Variants in DNM3 observed in about 807,000 individuals in gnomAD.
DNM3 encodes dynamin-3.
A neutral mutation model predicts 101.6 loss-of-function variants in DNM3; 47 were observed. That is an observed-to-expected ratio of 0.46 (90% CI 0.37 to 0.59). The LOEUF is 0.59. DNM3 is among the 20% of genes least tolerant of loss of function. The pLI is 0.00. For synonymous variants in DNM3, 385 were observed against 387.9 expected (o/e 0.99, Z 0.09); for missense variants, 849 against 1,085.7 (o/e 0.78, Z 3.06).
intron 14 of DNM3, among the ~76,000 whole-genome samples, chr1:172,145,075 A>G (rs1403228281): frequency 1.3e-5 from 2 of 151,878 alleles, no homozygotes; most frequent in African/African-American, 2.4e-5. Context: ...AAAAAAAAAG[A>G]GTCAAGATGT....
At chr1:172,044,568 G>A (rs2049628147) in intron 9 of DNM3, 116 bp downstream of exon 9, 1 of 805,976 alleles carries the variant, frequency 1.2e-6, no homozygotes, top group Non-Finnish European at 1.9e-6. Context: ...TACAGAGGTG[G>A]GAGTAAGAAA....
chr1:172,167,948 A>G (rs2058810816), intron 14 of DNM3, among the ~76,000 whole-genome samples: 1 of 151,982 alleles, frequency 6.6e-6, no homozygotes, highest in Non-Finnish European at 1.5e-5. Context: ...AATTTCCTGC[A>G]AAGTGGAGAT....
chr1:171,947,091 C>T (rs563986061), intron 2 of DNM3, among the ~76,000 whole-genome samples: 44 of 152,290 alleles, frequency 2.9e-4, no homozygotes, highest in African/African-American at 9.6e-4. Flanking sequence ...GTGAACTGTC[C>T]GTTACATATT....
intron 13 of DNM3, among the ~76,000 whole-genome samples, chr1:172,116,554 T>C (rs1461959705): frequency 6.6e-6 from 1 of 152,164 alleles, no homozygotes; most frequent in Non-Finnish European, 1.5e-5. Context: ...AAAGCTCCAA[T>C]GGAGATTCCC....
Position 172,387,224 on chromosome 1 carries a change from A to G in DNM3, c.2150A>G (p.Gln717Arg). Residue 717 changes from glutamine to arginine, a missense_variant, in exon 19 of 21, where the codon CAG becomes CGG. Gln to Arg is a conservative substitution (Grantham distance 43). This residue lies in a region of DNM3 where 256 missense variants were observed against 311.7 expected (regional missense o/e 0.82). Transcript: ENST00000627582. ...ATGGAGGAATCTGCTGAGCAGGCTC[A>G]GCGCCGGGATGAGATGCTTCGAATG... ...TLMEESAEQA[Q>R]RRDEMLRMYQ... 1 of 1,614,052 alleles carries G rather than the reference A, an allele frequency of 6.2e-7. No homozygotes were observed. Among genetic ancestry groups the G allele is most frequent in the Non-Finnish European group, 8.5e-7 (1 of 1,179,888 alleles).
chr1:172,349,939 A>T (rs1443896509), intron 17 of DNM3, among the ~76,000 whole-genome samples: 1 of 152,198 alleles, frequency 6.6e-6, no homozygotes, highest in Non-Finnish European at 1.5e-5. Context: ...CCTCATGTAT[A>T]TAGAAAACTC....
intron 2 of DNM3, among the ~76,000 whole-genome samples, chr1:171,941,556 C>T (rs1037208186): frequency 2.6e-5 from 4 of 152,150 alleles, no homozygotes; most frequent in South Asian, 2.1e-4. Context: ...CTCTTTGTGC[C>T]GCCCCACTTC....
intron 15 of DNM3, among the ~76,000 whole-genome samples, chr1:172,303,153 A>T (rs567319332): frequency 6.6e-6 from 1 of 152,286 alleles, no homozygotes; most frequent in Admixed American, 6.5e-5. Flanking sequence ...AGACAAATGG[A>T]TAACTAGAAT....
At chr1:171,954,240 T>G (rs2125467453) in intron 2 of DNM3, among the ~76,000 whole-genome samples, 1 of 152,338 alleles carries the variant, frequency 6.6e-6, no homozygotes, top group Non-Finnish European at 1.5e-5. Context: ...TTGCATGTAT[T>G]ATCATAGTAA....
rs980016092 is a variant in DNM3, at chr1:172,279,725, G to A, written c.1769+26043G>A. 3.9e-5 allele frequency among the ~76,000 whole-genome samples: 6 copies of A among 152,070 alleles called. No homozygotes were observed. In the East Asian group the frequency reaches 7.7e-4, roughly 19 times the overall value. On this transcript the variant is annotated intron_variant, in intron 15 of 20. Transcript: ENST00000627582. The stretch of plus-strand genomic sequence containing the variant: ...TTCACTTTCCGCACCCAGTTTCTCA[G>A]AAACATATGATGGCTCTGCCTTGGA...
intron 14 of DNM3, among the ~76,000 whole-genome samples, chr1:172,189,371 TTTG>T (rs1328649150): frequency 6.6e-6 from 1 of 152,044 alleles, no homozygotes; most frequent in Non-Finnish European, 1.5e-5. Flanking sequence ...TTACAAGCAG[TTTG>T]TTAATATCTA....
chr1:171,967,232 A>G (rs2043652030), intron 2 of DNM3, among the ~76,000 whole-genome samples: 1 of 152,144 alleles, frequency 6.6e-6, no homozygotes, highest in Non-Finnish European at 1.5e-5. Context: ...ACAGATTTCC[A>G]CTGGAACTAA....
chr1:172,160,390 T>C (rs1012011271), intron 14 of DNM3, among the ~76,000 whole-genome samples: 1 of 152,134 alleles, frequency 6.6e-6, no homozygotes, highest in Non-Finnish European at 1.5e-5. Flanking sequence ...AATTTCTTTT[T>C]TAATATCCTT....
Position 172,410,549 on chromosome 1 carries a change from A to C in DNM3, c.*2708A>C. The C allele has an allele frequency of 1.3e-5, 13 of 983,456 alleles. No individual in the cohort carries two copies. Among genetic ancestry groups the C allele is most frequent in the Non-Finnish European group, 1.6e-5 (13 of 828,106 alleles). The allele number at this position is 983,456 out of a possible 1,614,324, so 60.9% of individuals were successfully genotyped here. The stretch of plus-strand genomic sequence containing the variant: ...ATTGCATGCATATTGACTAATTGGA[A>C]TAACCATTTACTCAATTATGGACAG... On this transcript the variant is annotated 3_prime_UTR_variant, in exon 21 of 21. Transcript: ENST00000627582.
intron 1 of DNM3, among the ~76,000 whole-genome samples, chr1:171,882,230 CT>C (rs1358936052): frequency 4.6e-5 from 7 of 151,512 alleles, no homozygotes; most frequent in African/African-American, 1.5e-4. Context: ...GTAATCCCAG[CT>C]ACTCAGGAGG....
intron 1 of DNM3, among the ~76,000 whole-genome samples, chr1:171,911,311 A>C (rs2039283375): frequency 1.9e-5 from 2 of 103,312 alleles, no homozygotes; most frequent in South Asian, 2.9e-4. Context: ...AAAGAGTTTC[A>C]CTCTTGTCAC....
chr1:172,359,580 T>C (rs1053748788), intron 17 of DNM3, among the ~76,000 whole-genome samples: 1 of 151,512 alleles, frequency 6.6e-6, no homozygotes, highest in African/African-American at 2.4e-5. Flanking sequence ...GCTTCTGGTG[T>C]ATATGCCTTT....
At chr1:172,138,658 C>G (rs2057392597) in intron 14 of DNM3, 1 of 214,584 alleles carries the variant, frequency 4.7e-6, no homozygotes, top group African/African-American at 2.4e-5. Flanking sequence ...ATACTTGAAT[C>G]AAAATAAAAT....
At chr1:172,240,830 T>C (rs568834931) in intron 14 of DNM3, among the ~76,000 whole-genome samples, 1 of 152,110 alleles carries the variant, frequency 6.6e-6, no homozygotes, top group Non-Finnish European at 1.5e-5. Context: ...TTTCTTTTTT[T>C]AAAAAATATA....
Sources: allele counts gnomAD v4.1 joint callset (sites outside exome capture counted in the v4.1 genomes callset), GRCh38; gene constraint gnomAD v4.1.1; regional missense constraint gnomAD v4.1.1; transcripts MANE v1.5; gene names NCBI Gene and HGNC (gene_info 2026-07-23, HGNC 2026-07-21).